The following ITGA9 variants were observed in gnomAD, a reference collection of about 807,000 sequenced individuals.
ITGA9 encodes the protein integrin subunit alpha 9.
Under a neutral mutation model 127.8 loss-of-function variants are expected in ITGA9, and 56 were observed. That is an observed-to-expected ratio of 0.44 (90% CI 0.35 to 0.55). The LOEUF (loss-of-function observed/expected upper bound fraction) is 0.55, where lower values mean the gene tolerates loss of function less well. Among genes scored for constraint, ITGA9 ranks in the 20% least tolerant of loss-of-function variants. ITGA9 has a pLI of 0.00. For synonymous variants in ITGA9, 508 were observed against 514.5 expected (o/e 0.99, Z 0.17); for missense variants, 1,196 against 1,347.1 (o/e 0.89, Z 1.76).
In ITGA9 at chr3:37,819,422, A is replaced by G. The variant is rs1430517288; in HGVS notation, c.*433A>G. 6.2e-6 allele frequency: 1 copy of G among 161,938 alleles called. No homozygotes were observed. Among genetic ancestry groups the G allele is most frequent in the Non-Finnish European group, 1.4e-5 (1 of 73,332 alleles). The allele number at this position is 161,938 out of a possible 1,614,324, so 10.0% of individuals were successfully genotyped here. On this transcript the variant is annotated 3_prime_UTR_variant, in exon 28 of 28. Transcript: ENST00000264741. ...ATATCTGGCCTAAAATCTTGGAAGT[A>G]CATGTCCATGAATACAAATTTTAAA...
intron 5 of ITGA9, among the ~76,000 whole-genome samples, chr3:37,501,073 A>G (rs991423292): frequency 5.3e-5 from 8 of 152,154 alleles, no homozygotes; most frequent in Admixed American, 3.3e-4. Context: ...CTTTATATCT[A>G]GTGTGAACTC....
intron 13 of ITGA9, among the ~76,000 whole-genome samples, chr3:37,526,695 T>C (rs1390051294): frequency 1.3e-5 from 2 of 152,240 alleles, no homozygotes; most frequent in African/African-American, 4.8e-5. Flanking sequence ...TTTCTAGCTG[T>C]ATGAGTCAGA....
At chr3:37,703,987 G>A (rs995079257) in intron 18 of ITGA9, among the ~76,000 whole-genome samples, 2 of 152,116 alleles carry the variant, frequency 1.3e-5, no homozygotes, top group Non-Finnish European at 2.9e-5. Context: ...GTGAGTATTG[G>A]GGCTGGGGTT....
intron 15 of ITGA9, among the ~76,000 whole-genome samples, chr3:37,549,053 G>A (rs1209361858): frequency 1.3e-5 from 2 of 152,206 alleles, no homozygotes; most frequent in South Asian, 2.1e-4. Flanking sequence ...CTAAGGAACC[G>A]GGAAGCTGGG....
chr3:37,597,249 A>G lies in ITGA9; in HGVS notation c.1690-31938A>G, dbSNP rs1699878418. On this transcript the variant is annotated intron_variant, in intron 15 of 27. Transcript: ENST00000264741. The surrounding 1 kb of genome is among the most constrained non-coding windows in gnomAD (Gnocchi z 4.6). ...ATGATCTAAGAGTGATCCAAGAGAT[A>G]GTGGGACCTGCTCAAGGTTTCATCC... is the stretch of plus-strand genomic sequence containing the variant. Among the ~76,000 whole-genome samples, 1 of 152,226 alleles carries G rather than the reference A, an allele frequency of 6.6e-6. No individual in the cohort carries two copies. The highest frequency in any genetic ancestry group is 1.5e-5 in the Non-Finnish European group (1 of 68,018).
chr3:37,491,225 C>T (rs1698669987), intron 4 of ITGA9, among the ~76,000 whole-genome samples: 1 of 152,158 alleles, frequency 6.6e-6, no homozygotes, highest in African/African-American at 2.4e-5. Flanking sequence ...GATCTGCCTG[C>T]CTCGGCCTCC....
At chr3:37,761,765 G>A (rs1436328376) in intron 23 of ITGA9, among the ~76,000 whole-genome samples, 1 of 152,122 alleles carries the variant, frequency 6.6e-6, no homozygotes, top group African/African-American at 2.4e-5. Flanking sequence ...CAGAGACCCC[G>A]CTGATAAAGC....
At chr3:37,563,740 C>T (rs1365377803) in intron 15 of ITGA9, among the ~76,000 whole-genome samples, 1 of 152,196 alleles carries the variant, frequency 6.6e-6, no homozygotes, top group Non-Finnish European at 1.5e-5. Flanking sequence ...CCTGTAACTC[C>T]ATCACACCCA....
intron 5 of ITGA9, among the ~76,000 whole-genome samples, chr3:37,500,983 A>G (rs1477090358): frequency 1.3e-5 from 2 of 152,128 alleles, no homozygotes; most frequent in East Asian, 3.8e-4. Flanking sequence ...ACCTGTTTGC[A>G]TAGAATTTTT....
Position 37,691,854 on chromosome 3 carries a change from G to A in ITGA9, c.2067+7839G>A, listed in dbSNP as rs186436669. On this transcript the variant is annotated intron_variant, in intron 18 of 27. Transcript: ENST00000264741. ...GAATGTAGTGTCCATGGAATTTTTA[G>A]AACTCATGATGTTTTGAAAACTATT... Among the ~76,000 whole-genome samples, 151 of 152,318 alleles carry A rather than the reference G, an allele frequency of 9.9e-4. 1 individual carries two copies. Among genetic ancestry groups the A allele is most frequent in the Admixed American group, 4.2e-3 (65 of 15,296 alleles).
chr3:37,623,673 ATGTG>A (rs1431224368), intron 15 of ITGA9, among the ~76,000 whole-genome samples: 11 of 118,234 alleles, frequency 9.3e-5, no homozygotes, highest in African/African-American at 2.6e-4. Flanking sequence ...GTGTGTGTGT[ATGTG>A]TGTGTGTGTG....
chr3:37,699,238 C>T (rs952451420), intron 18 of ITGA9, among the ~76,000 whole-genome samples: 2 of 152,196 alleles, frequency 1.3e-5, no homozygotes, highest in Admixed American at 6.5e-5. Context: ...AAATTTTCCC[C>T]TCCAGCCCAG....
At chr3:37,746,700 A>G (rs550667052) in intron 22 of ITGA9, among the ~76,000 whole-genome samples, 1 of 152,262 alleles carries the variant, frequency 6.6e-6, no homozygotes, top group African/African-American at 2.4e-5. Flanking sequence ...TAGTTATTTC[A>G]GCTATGGTCA....
chr3:37,793,193 T>C (rs1314591987), intron 26 of ITGA9, among the ~76,000 whole-genome samples: 1 of 151,986 alleles, frequency 6.6e-6, no homozygotes, highest in Non-Finnish European at 1.5e-5. Flanking sequence ...GTGAGGTTCC[T>C]GGAACTCCCT....
chr3:37,628,273 C>T (rs890320040), intron 15 of ITGA9, among the ~76,000 whole-genome samples: 6 of 152,134 alleles, frequency 3.9e-5, no homozygotes, highest in East Asian at 1.9e-4. Context: ...CACGCACCCC[C>T]GCCGAGCTCA....
chr3:37,514,998 G>A (rs111512970), intron 9 of ITGA9, among the ~76,000 whole-genome samples: 1,605 of 152,292 alleles, frequency 0.011, 13 homozygotes, highest in Non-Finnish European at 0.014. Flanking sequence ...AGTGCATCGT[G>A]GAAGCAGGAG....
At position 37,506,075 on chromosome 3, in the gene ITGA9, G is replaced by A; in HGVS notation, c.818G>A (p.Gly273Asp). The change falls in exon 7 of 28, where the codon GGC (glycine) becomes GAC (aspartate). Residue 273 changes from glycine to aspartate, a missense_variant. By Grantham distance (94) the Gly-to-Asp change is moderately conservative (BLOSUM62 -1). Coordinates refer to ENST00000264741, the MANE Select transcript of ITGA9 (RefSeq NM_002207.3). Reference protein sequence around the residue: ...DVVGGAPQDKGIGKVYIFRAD... With the variant: ...DVVGGAPQDKDIGKVYIFRAD... Reference sequence around the variant, plus strand: ...GTAGGAGGTGCCCCACAGGACAAAGGCATCGGCAAGGTGAGGAGAAACATC... The same window carrying A: ...GTAGGAGGTGCCCCACAGGACAAAGACATCGGCAAGGTGAGGAGAAACATC... 6 of 1,608,070 alleles carry A rather than the reference G, an allele frequency of 3.7e-6. No homozygotes were observed. Among genetic ancestry groups the A allele is most frequent in the Non-Finnish European group, 5.1e-6 (6 of 1,176,886 alleles).
chr3:37,735,342 A>T (rs13079441), intron 19 of ITGA9, among the ~76,000 whole-genome samples: 40,219 of 151,554 alleles, frequency 0.27, 5,584 homozygotes, highest in Middle Eastern at 0.36. Context: ...CCCACCCCAC[A>T]GTAAGCTGAC....
chr3:37,619,763 G>C (rs1312635787), intron 15 of ITGA9, among the ~76,000 whole-genome samples: 5 of 152,216 alleles, frequency 3.3e-5, no homozygotes, highest in African/African-American at 4.8e-5. Flanking sequence ...CTTGCTCCAG[G>C]CTCTCATGGC....
Sources: allele counts gnomAD v4.1 joint callset (sites outside exome capture counted in the v4.1 genomes callset), GRCh38; gene constraint gnomAD v4.1.1; non-coding constraint Gnocchi (gnomAD v3.1); transcripts MANE v1.5; gene names NCBI Gene and HGNC (gene_info 2026-07-23, HGNC 2026-07-21).